The following SNX2 variants were observed in gnomAD, a reference collection of about 807,000 sequenced individuals.
The protein encoded by SNX2 is sorting nexin-2.
In SNX2, 25 loss-of-function variants were observed where a neutral mutation model predicts 69.9. That is an observed-to-expected ratio of 0.36 (90% CI 0.26 to 0.50). SNX2 has a LOEUF of 0.50. SNX2 is among the 20% of genes least tolerant of loss of function. The pLI, the probability that SNX2 is intolerant of heterozygous loss-of-function variation, is 0.97. For missense variants in SNX2, 551 were observed against 613.3 expected, an observed-to-expected ratio of 0.90 and a Z score of 1.07; for synonymous variants, 229 against 200.4, an observed-to-expected ratio of 1.14 and a Z score of -1.20.
At chr5:122,801,845 C>T in intron 3 of SNX2, 24 bp from the exon 4 acceptor site, 1 of 1,415,826 alleles carries the variant, frequency 7.1e-7, no homozygotes, top group Non-Finnish European at 9.8e-7. Flanking sequence ...TTTTTAATGC[C>T]AAAAAATAAT....
At chr5:122,809,665 G>A in intron 7 of SNX2, among the ~76,000 whole-genome samples, 1 of 151,990 alleles carries the variant, frequency 6.6e-6, no homozygotes, top group East Asian at 1.9e-4. Flanking sequence ...GAATAGCACA[G>A]GTCTTGGGGG....
chr5:122,775,294 TC>T, intron 1 of SNX2, 83 bp downstream of exon 1: 2 of 1,453,590 alleles, frequency 1.4e-6, no homozygotes, highest in South Asian at 2.7e-5. Context: ...TCCCTCCCCA[TC>T]CCCCGTGTTT....
chr5:122,810,398 TTA>T lies in SNX2; in HGVS notation c.722+2044_722+2045del, dbSNP rs1491581188. ...GCGAGAAACACCCAAGAATGATCAA[TTA>T]AAAAAAAAAAAAAAAAAAAAAGAAT... On this transcript the variant is annotated intron_variant, in intron 7 of 14. Coordinates refer to ENST00000379516, the MANE Select transcript of SNX2 (RefSeq NM_003100.4). 4.2e-4 allele frequency among the ~76,000 whole-genome samples: 25 copies of T among 59,900 alleles called. 1 individual carries two copies. Among genetic ancestry groups the T allele is most frequent in the African/African-American group, 1.4e-3 (16 of 11,330 alleles). The allele number at this position is 59,900 out of a possible 152,430, so 39.3% of individuals were successfully genotyped here.
chr5:122,796,028 T>C lies in SNX2; in HGVS notation c.226+645T>C, dbSNP rs79571294. On this transcript the variant is annotated intron_variant, in intron 2 of 14. Transcript: ENST00000379516. ...TGAAAATGGTAAATTTTATTTTGTG[T>C]GTTTAATAGCCTAATTTACCTGAAC... Among the ~76,000 whole-genome samples, 99 of 152,344 alleles carry C rather than the reference T, an allele frequency of 6.5e-4. 3 individuals carry two copies. In the South Asian group the frequency reaches 1.0e-2, roughly 15 times the overall value.
intron 1 of SNX2, among the ~76,000 whole-genome samples, chr5:122,786,954 G>A (rs180836625): frequency 6.6e-6 from 1 of 152,264 alleles, no homozygotes; most frequent in East Asian, 1.9e-4. Flanking sequence ...AGGTGATGGT[G>A]TGGGGGAATA....
chr5:122,790,540 T>A (rs1753210216), intron 1 of SNX2, among the ~76,000 whole-genome samples: 1 of 152,100 alleles, frequency 6.6e-6, no homozygotes. Context: ...CAATGAGTGG[T>A]CAAAGAGAAA....
intron 11 of SNX2, 63 bp downstream of exon 11, chr5:122,819,086 A>G (rs1231814943): frequency 3.1e-6 from 4 of 1,308,328 alleles, no homozygotes; most frequent in Non-Finnish European, 3.2e-6. Flanking sequence ...TTTGTTTCCT[A>G]TTAATTATGT....
chr5:122,775,220 G>C lies in SNX2; in HGVS notation c.108+9G>C. The C allele has an allele frequency of 1.3e-6, 2 of 1,548,904 alleles. 1 individual carries two copies. The highest frequency in any genetic ancestry group is 2.4e-5 in the South Asian group (2 of 83,638). The stretch of plus-strand genomic sequence containing the variant: ...CTGTCTCCACCCTAGAGGTGAGACC[G>C]CGTCGCTGCGGGTGCTGCGCTGCGT... On this transcript the variant is annotated intron_variant, in intron 1 of 14. Coordinates refer to ENST00000379516, the MANE Select transcript of SNX2 (RefSeq NM_003100.4).
At chr5:122,818,713 C>T in intron 10 of SNX2, 105 bp from the exon 11 acceptor site, 1 of 835,090 alleles carries the variant, frequency 1.2e-6, no homozygotes. Flanking sequence ...ATTATTTGAG[C>T]AACTTGTGCA....
At chr5:122,811,858 T>TAAATAAATAAATAAATAAAA (rs1159956658) in intron 7 of SNX2, among the ~76,000 whole-genome samples, 8 of 129,692 alleles carry the variant, frequency 6.2e-5, no homozygotes, top group African/African-American at 8.2e-5. Context: ...AATAAATAAA[T>TAAATAAATAAATAAATAAAA]AAAATGTAGT....
At chr5:122,782,479 T>C (rs568750588) in intron 1 of SNX2, among the ~76,000 whole-genome samples, 1 of 152,270 alleles carries the variant, frequency 6.6e-6, no homozygotes, top group African/African-American at 2.4e-5. Flanking sequence ...CCTCAGGCAG[T>C]TCGCCCTTCT....
chr5:122,803,761 C>T lies in SNX2; in HGVS notation c.643+148C>T, dbSNP rs541435464. 5.2e-5 allele frequency: 30 copies of T among 581,928 alleles called. 1 individual carries two copies. The Admixed American group carries it at 7.2e-4, about 14-fold the overall frequency. The allele number at this position is 581,928 out of a possible 1,614,324, so 36.0% of individuals were successfully genotyped here. The stretch of plus-strand genomic sequence containing the variant: ...ATTTAAGTATTTCATTTATACTAAT[C>T]ATGCATGGATTGAAGAATGTATTGG... On this transcript the variant is annotated intron_variant, in intron 6 of 14. Coordinates refer to ENST00000379516, the MANE Select transcript of SNX2 (RefSeq NM_003100.4).
Position 122,795,249 on chromosome 5 carries a change from T to C in SNX2, c.109-17T>C, listed in dbSNP as rs145875506. On this transcript the variant is annotated splice_polypyrimidine_tract_variant and intron_variant, in intron 1 of 14. Coordinates refer to ENST00000379516, the MANE Select transcript of SNX2 (RefSeq NM_003100.4). ...AAACATGCCAATCCATTACCTATTA[T>C]TGTTCTTTTTTAACAGTCAAGTCCA... 8 of 1,517,234 alleles carry C rather than the reference T, an allele frequency of 5.3e-6. No individual in the cohort carries two copies. The highest frequency in any genetic ancestry group is 6.4e-6 in the Non-Finnish European group (7 of 1,092,320). 94.0% of individuals were successfully genotyped at this position (1,517,234 alleles called of 1,614,324 possible).
At chr5:122,824,219 A>G (rs1754099977) in intron 11 of SNX2, among the ~76,000 whole-genome samples, 1 of 143,056 alleles carries the variant, frequency 7.0e-6, no homozygotes, top group Admixed American at 7.0e-5. Context: ...AAAAAAAAAA[A>G]GAAAATTGTA....
At chr5:122,824,869 A>G (rs1260059491) in intron 11 of SNX2, among the ~76,000 whole-genome samples, 1 of 152,198 alleles carries the variant, frequency 6.6e-6, no homozygotes, top group Admixed American at 6.5e-5. Context: ...TTAAGCATCC[A>G]CTAGGTTAAG....
At position 122,775,125 on chromosome 5, in the gene SNX2, C is replaced by A; in HGVS notation, c.22C>A (p.Pro8Thr). Reference protein sequence around the residue: MAAEREPPPLGDGKPTDF... With the variant: MAAEREPTPLGDGKPTDF... ...GAAGATGGCGGCCGAGAGGGAACCT[C>A]CTCCGCTGGGGGACGGGAAGCCCAC... The change falls in exon 1 of 15, where the codon CCT (proline) becomes ACT (threonine). Residue 8 changes from proline to threonine, a missense_variant. Pro to Thr is a conservative substitution (Grantham distance 38). Transcript: ENST00000379516. The A allele has an allele frequency of 1.3e-6, 2 of 1,593,082 alleles. No individual in the cohort carries two copies. Among genetic ancestry groups the A allele is most frequent in the Non-Finnish European group, 1.7e-6 (2 of 1,171,680 alleles).
chr5:122,793,814 G>A (rs913415152), intron 1 of SNX2, among the ~76,000 whole-genome samples: 1 of 151,302 alleles, frequency 6.6e-6, no homozygotes, highest in Admixed American at 6.6e-5. Flanking sequence ...TCAGGAGGCT[G>A]AGGCAGAAGA....
At chr5:122,829,342 T>C (rs944635640) in intron 14 of SNX2, among the ~76,000 whole-genome samples, 14 of 151,872 alleles carry the variant, frequency 9.2e-5, no homozygotes, top group Non-Finnish European at 1.6e-4. Flanking sequence ...GTAGCTGGGA[T>C]TACAGGCAAG....
chr5:122,791,439 G>T (rs947856125), intron 1 of SNX2, among the ~76,000 whole-genome samples: 14 of 152,082 alleles, frequency 9.2e-5, no homozygotes, highest in African/African-American at 3.1e-4. Flanking sequence ...CTGCCACCAC[G>T]CCCGGCTAAT....
Sources: allele counts gnomAD v4.1 joint callset (sites outside exome capture counted in the v4.1 genomes callset), GRCh38; gene constraint gnomAD v4.1.1; transcripts MANE v1.5; gene names NCBI Gene and HGNC (gene_info 2026-07-23, HGNC 2026-07-21).